CC2D2B: variants seen among roughly 807,000 people sequenced by gnomAD.
CC2D2B encodes coiled-coil and C2 domain containing 2B.
CC2D2B carries 128 observed loss-of-function variants against 161.2 expected under a neutral mutation model. That is an observed-to-expected ratio of 0.79 (90% confidence interval 0.69 to 0.92). The LOEUF (loss-of-function observed/expected upper bound fraction) is 0.92, where lower values mean the gene tolerates loss of function less well. Among genes scored for constraint, CC2D2B ranks in the 40% least tolerant of loss-of-function variants. The pLI is 0.00. For synonymous variants in CC2D2B, 391 were observed against 449.8 expected (o/e 0.87, Z 1.65); for missense variants, 1,173 against 1,375.1 (o/e 0.85, Z 2.32).
chr10:95,974,201 A>G, intron 17 of CC2D2B, 45 bp downstream of exon 17: 6 of 1,080,010 alleles, frequency 5.6e-6, no homozygotes, highest in Non-Finnish European at 7.1e-6. Flanking sequence ...GTCTCAGCAA[A>G]GCATCACACA....
intron 22 of CC2D2B, 82 bp from the exon 23 acceptor site, chr10:95,995,187 C>T: frequency 1.5e-6 from 1 of 655,822 alleles, no homozygotes; most frequent in South Asian, 2.4e-5. Flanking sequence ...TCTTCATAAG[C>T]ACAGGAAAAA....
rs965932879 is a variant in CC2D2B, at chr10:95,995,442, C to G, written c.2739+77C>G. On this transcript the variant is annotated intron_variant, in intron 23 of 34. Transcript: ENST00000646931. ...ATTACAATTGACTCTTAATTCATCT[C>G]TCCATCTATATTTTCTTTGGCTTCC... 2.0e-5 allele frequency: 14 copies of G among 707,612 alleles called. No individual in the cohort carries two copies. In the African/African-American group the frequency reaches 2.4e-4, roughly 12 times the overall value. The allele number at this position is 707,612 out of a possible 1,614,324, so 43.8% of individuals were successfully genotyped here. A position where few individuals can be genotyped will look rare whatever the true frequency, so the allele number is the denominator to read the frequency against.
intron 20 of CC2D2B, among the ~76,000 whole-genome samples, 195 bp from the exon 21 acceptor site, chr10:95,991,175 G>A (rs117435134): frequency 4.5e-4 from 68 of 152,304 alleles, no homozygotes; most frequent in Non-Finnish European, 7.1e-4. Flanking sequence ...ACTAGCTTTG[G>A]TGTGACAGTG....
chr10:95,908,866 A>C (rs988549091), intron 1 of CC2D2B, among the ~76,000 whole-genome samples: 3 of 151,802 alleles, frequency 2.0e-5, no homozygotes, highest in Non-Finnish European at 4.4e-5. Context: ...TTCACCTTTG[A>C]GTAGCAAAAC....
chr10:96,025,170 T>TAAAAAAAAAAAAAAAAAAA (rs1564683762), intron 33 of CC2D2B, among the ~76,000 whole-genome samples: 1 of 19,326 alleles, frequency 5.2e-5, no homozygotes, highest in East Asian at 2.0e-3. Context: ...TATATATATA[T>TAAAAAAAAAAAAAAAAAAA]ATATATATAT....
chr10:95,917,804 G>T (rs1455980168), intron 2 of CC2D2B, among the ~76,000 whole-genome samples: 2 of 151,982 alleles, frequency 1.3e-5, no homozygotes, highest in Non-Finnish European at 2.9e-5. Flanking sequence ...GTATTATTTT[G>T]AGACAGCCTG....
At chr10:95,951,694 T>C (rs997651867) in intron 10 of CC2D2B, among the ~76,000 whole-genome samples, 1 of 152,198 alleles carries the variant, frequency 6.6e-6, no homozygotes. Context: ...TATTATAGAA[T>C]CTTTAAAATC....
intron 11 of CC2D2B, 99 bp from the exon 12 acceptor site, chr10:95,961,730 A>G: frequency 2.0e-6 from 1 of 511,558 alleles, no homozygotes; most frequent in Non-Finnish European, 3.0e-6. Flanking sequence ...GTGGGGAGGG[A>G]GTTCAGAAGA....
At chr10:95,925,157 A>G (rs886587724) in intron 5 of CC2D2B, among the ~76,000 whole-genome samples, 6 of 152,224 alleles carry the variant, frequency 3.9e-5, no homozygotes, top group Admixed American at 3.3e-4. Context: ...ACAGGCAACA[A>G]TCCATGAATT....
Position 96,012,698 on chromosome 10 carries a change from A to G in CC2D2B, c.3395A>G (p.Asp1132Gly). The G allele has an allele frequency of 1.2e-6, 2 of 1,605,448 alleles. No homozygotes were observed. The highest frequency in any genetic ancestry group is 1.7e-6 in the Non-Finnish European group (2 of 1,172,292). Reference sequence around the variant, plus strand: ...TTAAATCCACCTCAGCAACTTCTGGATATATTTCTTCACAATTCTAATGCA... The same window carrying G: ...TTAAATCCACCTCAGCAACTTCTGGGTATATTTCTTCACAATTCTAATGCA... ...KALNPPQQLL[D>G]IFLHNSNATF... The change falls in exon 28 of 35, where the codon GAT becomes GGT. Residue 1132 changes from aspartate to glycine, a missense_variant. This residue lies in a region of CC2D2B where 598 missense variants were observed against 693.2 expected (regional missense o/e 0.86). Coordinates refer to ENST00000646931, the MANE Select transcript of CC2D2B (RefSeq NM_001349008.3).
Position 95,992,704 on chromosome 10 carries a change from C to T in CC2D2B, c.2642+7C>T. 2 of 1,232,126 alleles carry T rather than the reference C, an allele frequency of 1.6e-6. No homozygotes were observed. The highest frequency in any genetic ancestry group is 2.0e-6 in the Non-Finnish European group (2 of 986,264). The allele number at this position is 1,232,126 out of a possible 1,614,324, so 76.3% of individuals were successfully genotyped here. On this transcript the variant is annotated splice_region_variant and intron_variant, in intron 22 of 34. Transcript: ENST00000646931. ...GAAAAACAACAATTAATGGGTAAGGCAATATGCCCCAATTTTTAGAGTTGC... is the reference window on the plus strand; with the variant it reads ...GAAAAACAACAATTAATGGGTAAGGTAATATGCCCCAATTTTTAGAGTTGC...
At chr10:95,959,520 C>A (rs1313094465) in intron 11 of CC2D2B, among the ~76,000 whole-genome samples, 1 of 152,186 alleles carries the variant, frequency 6.6e-6, no homozygotes, top group Non-Finnish European at 1.5e-5. Flanking sequence ...AATGAGGTTA[C>A]AGTATCCTTG....
intron 9 of CC2D2B, among the ~76,000 whole-genome samples, chr10:95,947,743 G>A (rs1262682472): frequency 4.6e-5 from 7 of 150,984 alleles, no homozygotes; most frequent in South Asian, 2.1e-4. Flanking sequence ...GTGAGACTCC[G>A]TCTCAAGAAA....
intron 1 of CC2D2B, among the ~76,000 whole-genome samples, chr10:95,908,499 CCTTAG>C (rs2098500079): frequency 6.6e-6 from 1 of 152,104 alleles, no homozygotes; most frequent in Non-Finnish European, 1.5e-5. Flanking sequence ...TTTGAATCAG[CCTTAG>C]AAACACGGAA....
intron 26 of CC2D2B, among the ~76,000 whole-genome samples, chr10:96,011,445 T>A (rs1164235698): frequency 1.3e-5 from 2 of 152,156 alleles, no homozygotes; most frequent in Non-Finnish European, 2.9e-5. Context: ...TGCTTATTTG[T>A]GAAATGGAGA....
At chr10:95,934,718 C>T (rs1184810745) in intron 6 of CC2D2B, among the ~76,000 whole-genome samples, 1 of 152,158 alleles carries the variant, frequency 6.6e-6, no homozygotes, top group Non-Finnish European at 1.5e-5. Context: ...TGGGCTGCAC[C>T]CACTGTCTAA....
At chr10:95,955,948 G>A (rs1036130721) in intron 11 of CC2D2B, among the ~76,000 whole-genome samples, 1 of 152,142 alleles carries the variant, frequency 6.6e-6, no homozygotes, top group Admixed American at 6.6e-5. Flanking sequence ...AGTTATGAAA[G>A]TATGAAATAA....
chr10:96,031,941 T>C lies in CC2D2B; in HGVS notation c.4247T>C (p.Ile1416Thr). 6.2e-7 allele frequency: 1 copy of C among 1,613,808 alleles called. No homozygotes were observed. The highest frequency in any genetic ancestry group is 8.5e-7 in the Non-Finnish European group (1 of 1,179,734). ...ACAGAATTTGCTTTAGCTGTATACA[T>C]TCACCCATACCCAAACAACATATTA... ...PQTEFALAVY[I>T]HPYPNNILSV... Residue 1416 changes from isoleucine to threonine, a missense_variant, in exon 35 of 35, where the codon ATT (isoleucine) becomes ACT (threonine). Coordinates refer to ENST00000646931, the MANE Select transcript of CC2D2B (RefSeq NM_001349008.3).
intron 24 of CC2D2B, chr10:95,999,977 C>G: frequency 1.3e-6 from 1 of 798,430 alleles, no homozygotes; most frequent in South Asian, 1.5e-5. Flanking sequence ...GTGCTCAATA[C>G]ACACATTAAT....
Sources: allele counts gnomAD v4.1 joint callset (sites outside exome capture counted in the v4.1 genomes callset), GRCh38; gene constraint gnomAD v4.1.1; regional missense constraint gnomAD v4.1.1; transcripts MANE v1.5; gene names NCBI Gene and HGNC (gene_info 2026-07-23, HGNC 2026-07-21).